The following ATP4A variants were observed in gnomAD, a reference collection of about 807,000 sequenced individuals.
The protein encoded by ATP4A is ATPase H+/K+ transporting subunit alpha.
A neutral mutation model predicts 112.1 loss-of-function variants in ATP4A; 73 were observed. The ratio of observed to expected loss-of-function variants is 0.65; its 90% CI spans 0.54 to 0.79. The LOEUF (loss-of-function observed/expected upper bound fraction) is 0.79. Ranked by LOEUF, ATP4A falls within the 30% of genes least tolerant of loss-of-function variation. The pLI is 0.00. For synonymous variants in ATP4A, 588 were observed against 588.9 expected, an observed-to-expected ratio of 1.00 and a Z score of 0.02; for missense variants, 1,081 against 1,425.9, an observed-to-expected ratio of 0.76 and a Z score of 3.90.
Position 35,551,699 on chromosome 19 carries a change from T to G in ATP4A, c.2752-119A>C. ...TGAACCCCTAAATGCTCTCTCTGCC[T>G]TGCATCAGAGTGTGGGGGTGGGGGG... On this transcript the variant is annotated intron_variant, in intron 18 of 21. Transcript: ENST00000262623. The surrounding 1 kb of genome is among the most constrained non-coding windows in gnomAD (Gnocchi z 5.2). 7.5e-7 allele frequency: 1 copy of G among 1,328,686 alleles called. No homozygotes were observed. The highest frequency in any genetic ancestry group is 1.0e-6 in the Non-Finnish European group (1 of 968,338). The allele number at this position is 1,328,686 out of a possible 1,614,324, so 82.3% of individuals were successfully genotyped here. A position where few individuals can be genotyped will look rare whatever the true frequency, so the allele number is the denominator to read the frequency against.
Position 35,553,103 on chromosome 19 carries a change from C to A in ATP4A, c.2685G>T (p.Val895=). The part of the protein sequence containing the change: ...AQEGWFPLLC[V]GLRAQWEDHH... ...GGTCCTCCCACTGCGCCCGCAGCCCCACGCACAGCAGTGGGAACCAGCCCT... is the reference window on the plus strand; with the variant it reads ...GGTCCTCCCACTGCGCCCGCAGCCCAACGCACAGCAGTGGGAACCAGCCCT... Residue 895 remains valine (V), a synonymous_variant, in exon 18 of 22, where the codon GTG becomes GTT. Transcript: ENST00000262623. The A allele has an allele frequency of 6.2e-7, 1 of 1,611,924 alleles. No individual in the cohort carries two copies.
chr19:35,558,889 C>T lies in ATP4A; in HGVS notation c.1255+104G>A. The T allele has an allele frequency of 7.0e-7, 1 of 1,436,772 alleles. No homozygotes were observed. Among genetic ancestry groups the T allele is most frequent in the Non-Finnish European group, 9.6e-7 (1 of 1,044,894 alleles). The allele number at this position is 1,436,772 out of a possible 1,614,324, so 89.0% of individuals were successfully genotyped here. A position where few individuals can be genotyped will look rare whatever the true frequency, so the allele number is the denominator to read the frequency against. On this transcript the variant is annotated intron_variant, in intron 8 of 21. Coordinates refer to ENST00000262623, the MANE Select transcript of ATP4A (RefSeq NM_000704.3). The surrounding 1 kb of genome is among the most constrained non-coding windows in gnomAD (Gnocchi z 5.1). ...GTCTCCTTTGAGACCTGGAGCCGAG[C>T]CGCCCCGCCTTCGTACAAAGCCCTC...
At position 35,550,767 on chromosome 19, in the gene ATP4A, C is replaced by A; in HGVS notation, c.3079+67G>T. 6.2e-7 allele frequency: 1 copy of A among 1,609,360 alleles called. No individual in the cohort carries two copies. The highest frequency in any genetic ancestry group is 1.1e-5 in the South Asian group (1 of 90,928). On this transcript the variant is annotated intron_variant, in intron 21 of 21. Coordinates refer to ENST00000262623, the MANE Select transcript of ATP4A (RefSeq NM_000704.3). This position sits in a 1 kb window ranked among gnomAD's most constrained non-coding sequence, Gnocchi z 4.1. ...GGCTTAGAGGCCAAGTGTTGAGGAT[C>A]AAAGGTGGGTGCAGCTGCTCAAACG...
intron 12 of ATP4A, among the ~76,000 whole-genome samples, chr19:35,556,570 C>T (rs2071632550): frequency 6.6e-6 from 1 of 152,186 alleles, no homozygotes; most frequent in African/African-American, 2.4e-5. Context: ...AGTGCTACTG[C>T]AAAAGAGGCA....
At chr19:35,562,929 C>T (rs2071680302) in intron 3 of ATP4A, among the ~76,000 whole-genome samples, 1 of 151,902 alleles carries the variant, frequency 6.6e-6, no homozygotes, top group Non-Finnish European at 1.5e-5. Context: ...CTCTCTCCGT[C>T]TCTGTGTGTC....
chr19:35,552,740 C>CT (rs1692196750), intron 18 of ATP4A, among the ~76,000 whole-genome samples: 1 of 152,200 alleles, frequency 6.6e-6, no homozygotes, highest in South Asian at 2.1e-4. Flanking sequence ...TGCAAATACC[C>CT]TGTGGGAGTG....
At chr19:35,553,230 C>G (rs759774590) in intron 17 of ATP4A, 48 bp from the exon 18 acceptor site, 1 of 1,557,138 alleles carries the variant, frequency 6.4e-7, no homozygotes, top group African/African-American at 1.4e-5. Flanking sequence ...GACACAGAGA[C>G]AGGGACACAG....
rs565541586 is a variant in ATP4A at position 35,551,360 on chromosome 19, T to C, written c.2885+87A>G. On this transcript the variant is annotated intron_variant, in intron 19 of 21. Coordinates refer to ENST00000262623, the MANE Select transcript of ATP4A (RefSeq NM_000704.3). The surrounding 1 kb of genome is among the most constrained non-coding windows in gnomAD (Gnocchi z 5.2). ...CATCTGGCACTGGCACCCGCTGGCATTTGCCGGCTGTTCTAAACCACAGTC... is the reference window on the plus strand; with the variant it reads ...CATCTGGCACTGGCACCCGCTGGCACTTGCCGGCTGTTCTAAACCACAGTC... 15 of 1,595,040 alleles carry C rather than the reference T, an allele frequency of 9.4e-6. No homozygotes were observed. In the East Asian group the frequency reaches 3.4e-4, roughly 36 times the overall value.
chr19:35,559,701 T>C lies in ATP4A; in HGVS notation c.1056+104A>G. 1.3e-6 allele frequency: 2 copies of C among 1,486,600 alleles called. No individual in the cohort carries two copies. Among genetic ancestry groups the C allele is most frequent in the East Asian group, 4.8e-5 (2 of 41,570 alleles). The allele number at this position is 1,486,600 out of a possible 1,614,324, so 92.1% of individuals were successfully genotyped here. On this transcript the variant is annotated intron_variant, in intron 7 of 21. Transcript: ENST00000262623. The surrounding 1 kb of genome is among the most constrained non-coding windows in gnomAD (Gnocchi z 4.1). ...GGCAGGAGAATGGATGGGAGCTAAG[T>C]GGACAGATAGACAGGCAGGGAGGTG...
chr19:35,555,869 C>T lies in ATP4A; in HGVS notation c.1870-57G>A. 1 of 1,549,954 alleles carries T rather than the reference C, an allele frequency of 6.5e-7. No individual in the cohort carries two copies. The highest frequency in any genetic ancestry group is 8.8e-7 in the Non-Finnish European group (1 of 1,141,870). The stretch of plus-strand genomic sequence containing the variant: ...TTCAGATCAGCCCAATCTCCCTGTC[C>T]TCCCTGGGAGACATCTGCTGATACA... On this transcript the variant is annotated intron_variant, in intron 12 of 21. Transcript: ENST00000262623. The surrounding 1 kb of genome is among the most constrained non-coding windows in gnomAD (Gnocchi z 6.6).
intron 1 of ATP4A, 34 bp downstream of exon 1, chr19:35,563,584 C>G: frequency 6.2e-7 from 1 of 1,613,926 alleles, no homozygotes; most frequent in Non-Finnish European, 8.5e-7. Flanking sequence ...AACCCCTGTC[C>G]CCACTGCACC....
rs1446824216 is a variant in ATP4A, at chr19:35,557,289, C to T, written c.1694-201G>A. Among the ~76,000 whole-genome samples, 1 of 152,212 alleles carries T rather than the reference C, an allele frequency of 6.6e-6. No individual in the cohort carries two copies. The highest frequency in any genetic ancestry group is 2.4e-5 in the African/African-American group (1 of 41,432). ...CATTCTCATCTTACAGATGAGGAAA[C>T]TGAGGCTCAGAGAGGGGACATTTCT... is the stretch of plus-strand genomic sequence containing the variant. On this transcript the variant is annotated intron_variant, in intron 11 of 21. Coordinates refer to ENST00000262623, the MANE Select transcript of ATP4A (RefSeq NM_000704.3). This position sits in a 1 kb window ranked among gnomAD's most constrained non-coding sequence, Gnocchi z 4.4.
rs778207541 is a variant in ATP4A at position 35,559,800 on chromosome 19, C to G, written c.1056+5G>C. 5.6e-6 allele frequency: 9 copies of G among 1,612,804 alleles called. No individual in the cohort carries two copies. The highest frequency in any genetic ancestry group is 7.6e-6 in the Non-Finnish European group (9 of 1,179,092). ...CTCCCTGCATCCCCGCCTGCCCCCA[C>G]TCACTGTGACAGTGGCCAGCAGCCC... On this transcript the variant is annotated splice_donor_5th_base_variant and intron_variant, in intron 7 of 21. Transcript: ENST00000262623. The surrounding 1 kb of genome is among the most constrained non-coding windows in gnomAD (Gnocchi z 4.1).
At position 35,555,486 on chromosome 19, in the gene ATP4A, G is replaced by T. The variant is rs1220709335; in HGVS notation, c.2111C>A (p.Thr704Asn). The part of the protein sequence containing the change: ...RTHPEMVFAR[T>N]SPQQKLVIVE... ...GATCACCAGCTTCTGCTGGGGGCTG[G>T]TGCGCGCAAACACCATCTCGGGGTG... The change falls in exon 14 of 22, where the codon ACC becomes AAC. Residue 704 changes from threonine (T) to asparagine (N), a missense_variant. By Grantham distance (65) the Thr-to-Asn change is moderately conservative. Coordinates refer to ENST00000262623, the MANE Select transcript of ATP4A (RefSeq NM_000704.3). The surrounding 1 kb of genome is among the most constrained non-coding windows in gnomAD (Gnocchi z 6.6). 3 of 1,610,948 alleles carry T rather than the reference G, an allele frequency of 1.9e-6. No homozygotes were observed. Among genetic ancestry groups the T allele is most frequent in the Non-Finnish European group, 2.5e-6 (3 of 1,178,232 alleles).
Position 35,559,017 on chromosome 19 carries a change from C to G in ATP4A, c.1231G>C (p.Ala411Pro). 6.2e-7 allele frequency: 1 copy of G among 1,614,196 alleles called. No individual in the cohort carries two copies. Among genetic ancestry groups the G allele is most frequent in the Non-Finnish European group, 8.5e-7 (1 of 1,180,034 alleles). The change falls in exon 8 of 22, where the codon GCT becomes CCT. Residue 411 changes from alanine (A) to proline (P), a missense_variant. Ala to Pro is a conservative substitution (Grantham distance 27). This residue lies in a region of ATP4A where 850 missense variants were observed against 1,068.2 expected (regional missense o/e 0.80). Coordinates refer to ENST00000262623, the MANE Select transcript of ATP4A (RefSeq NM_000704.3). The surrounding 1 kb of genome is among the most constrained non-coding windows in gnomAD (Gnocchi z 4.1). ...CCTGACTGGTCTTCCGTGGTGTCAG[C>G]TGTGTGGATGTGGTTGTCAAACCAC... The part of the protein sequence containing the change: ...HLWFDNHIHT[A>P]DTTEDQSGQT...
intron 4 of ATP4A, among the ~76,000 whole-genome samples, chr19:35,561,592 A>T (rs2071671095): frequency 6.6e-6 from 1 of 151,604 alleles, no homozygotes; most frequent in South Asian, 2.1e-4. Flanking sequence ...CCTCTGTCCC[A>T]TGTCACATGT....
In ATP4A at chr19:35,550,791, C is replaced by T. The variant is rs201486149; in HGVS notation, c.3079+43G>A. The T allele has an allele frequency of 3.3e-5, 53 of 1,612,120 alleles. No homozygotes were observed. Among genetic ancestry groups the T allele is most frequent in the Non-Finnish European group, 4.2e-5 (49 of 1,178,364 alleles). ...TCAAAGGTGGGTGCAGCTGCTCAAA[C>T]GTTTCAGTCCCCTGCCCCCAGGCTC... is the stretch of plus-strand genomic sequence containing the variant. On this transcript the variant is annotated intron_variant, in intron 21 of 21. Transcript: ENST00000262623. The surrounding 1 kb of genome is among the most constrained non-coding windows in gnomAD (Gnocchi z 4.1).
rs1223163208 is a variant in ATP4A, at chr19:35,559,307, C to A, written c.1057-116G>T. On this transcript the variant is annotated intron_variant, in intron 7 of 21. Coordinates refer to ENST00000262623, the MANE Select transcript of ATP4A (RefSeq NM_000704.3). This position sits in a 1 kb window ranked among gnomAD's most constrained non-coding sequence, Gnocchi z 4.1. ...GCCGCGGGGCTGCGTGTGCAACGTG[C>A]TTCTGCAAACACCAGGTGTTTTCTT... 2 of 1,059,832 alleles carry A rather than the reference C, an allele frequency of 1.9e-6. No individual in the cohort carries two copies. The highest frequency in any genetic ancestry group is 4.1e-5 in the Admixed American group (2 of 49,206). The allele number at this position is 1,059,832 out of a possible 1,614,324, so 65.7% of individuals were successfully genotyped here. A position where few individuals can be genotyped will look rare whatever the true frequency, so the allele number is the denominator to read the frequency against.
intron 12 of ATP4A, among the ~76,000 whole-genome samples, chr19:35,556,568 T>C (rs1419186123): frequency 2.0e-5 from 3 of 152,206 alleles, no homozygotes; most frequent in Non-Finnish European, 4.4e-5. Flanking sequence ...CCAGTGCTAC[T>C]GCAAAAGAGG....
Sources: allele counts gnomAD v4.1 joint callset (sites outside exome capture counted in the v4.1 genomes callset), GRCh38; gene constraint gnomAD v4.1.1; regional missense constraint gnomAD v4.1.1; non-coding constraint Gnocchi (gnomAD v3.1); transcripts MANE v1.5; gene names NCBI Gene and HGNC (gene_info 2026-07-23, HGNC 2026-07-21).